Variants in PTPRE observed in about 807,000 individuals in gnomAD.
PTPRE encodes the protein protein tyrosine phosphatase receptor type E, also known as receptor-type tyrosine-protein phosphatase epsilon.
In PTPRE, 51 loss-of-function variants were observed where a neutral mutation model predicts 102.0. The ratio of observed to expected loss-of-function variants is 0.50; its 90% CI spans 0.40 to 0.63. The LOEUF (loss-of-function observed/expected upper bound fraction) is 0.63. Among genes scored for constraint, PTPRE ranks in the 30% least tolerant of loss-of-function variants. The pLI is 0.00. For synonymous variants in PTPRE, 345 were observed against 348.2 expected (o/e 0.99, Z 0.10); for missense variants, 752 against 915.1 (o/e 0.82, Z 2.30).
At chr10:128,044,849 TA>T (rs1198557728) in intron 3 of PTPRE, among the ~76,000 whole-genome samples, 6 of 152,260 alleles carry the variant, frequency 3.9e-5, no homozygotes, top group African/African-American at 7.2e-5. Flanking sequence ...CCACACCATT[TA>T]AAAAAAATGT....
At chr10:128,003,319 G>A (rs1271339458) in intron 2 of PTPRE, among the ~76,000 whole-genome samples, 1 of 152,008 alleles carries the variant, frequency 6.6e-6, no homozygotes. Flanking sequence ...CTGGGTGGTT[G>A]TCATTTTTTA....
intron 1 of PTPRE, among the ~76,000 whole-genome samples, chr10:127,976,602 T>C (rs969623782): frequency 6.6e-6 from 1 of 152,066 alleles, no homozygotes; most frequent in Non-Finnish European, 1.5e-5. Flanking sequence ...TTGAGAAAAA[T>C]GGGTCTTTTT....
At chr10:127,953,696 A>G (rs1365740380) in intron 1 of PTPRE, among the ~76,000 whole-genome samples, 1 of 152,200 alleles carries the variant, frequency 6.6e-6, no homozygotes, top group Admixed American at 6.5e-5. Flanking sequence ...GGAAGAGAAG[A>G]CCAGGACCTG....
intron 1 of PTPRE, among the ~76,000 whole-genome samples, chr10:127,969,421 A>G: frequency 6.6e-6 from 1 of 152,144 alleles, no homozygotes; most frequent in Non-Finnish European, 1.5e-5. Context: ...TAATCCCAGC[A>G]CTTTGGGAGG....
intron 1 of PTPRE, among the ~76,000 whole-genome samples, chr10:127,979,262 G>A (rs151227085): frequency 2.0e-5 from 3 of 152,210 alleles, no homozygotes; most frequent in Admixed American, 6.5e-5. Context: ...CCCACTTCAC[G>A]GATCTGTCTG....
At chr10:127,949,286 A>G (rs1039687268) in intron 1 of PTPRE, among the ~76,000 whole-genome samples, 15 of 152,130 alleles carry the variant, frequency 9.9e-5, no homozygotes, top group African/African-American at 3.6e-4. Flanking sequence ...GTGTCTATCT[A>G]GCTATGCATA....
chr10:128,025,174 A>AAAAAAAAAAAAAAAC (rs1846204774), intron 2 of PTPRE, among the ~76,000 whole-genome samples: 1 of 151,456 alleles, frequency 6.6e-6, no homozygotes, highest in African/African-American at 2.4e-5. Flanking sequence ...AAAAAAAAAA[A>AAAAAAAAAAAAAAAC]AAAAAAAGAA....
chr10:128,038,137 G>T (rs1847385756), intron 2 of PTPRE, among the ~76,000 whole-genome samples: 1 of 152,034 alleles, frequency 6.6e-6, no homozygotes, highest in Admixed American at 6.5e-5. Context: ...GCATCATTTG[G>T]ACCAATTCAT....
At chr10:127,913,926 T>C (rs1846035211) in intron 1 of PTPRE, among the ~76,000 whole-genome samples, 1 of 152,206 alleles carries the variant, frequency 6.6e-6, no homozygotes, top group African/African-American at 2.4e-5. Context: ...TATTCTGTTG[T>C]TGGAAACACA....
In PTPRE at chr10:128,084,664, G is replaced by T. The variant is rs1851972072; in HGVS notation, c.*1758G>T. The T allele has an allele frequency of 6.5e-6, 1 of 153,154 alleles. No homozygotes were observed. The highest frequency in any genetic ancestry group is 6.5e-5 in the Admixed American group (1 of 15,360). The allele number at this position is 153,154 out of a possible 1,614,324, so 9.5% of individuals were successfully genotyped here. A position where few individuals can be genotyped will look rare whatever the true frequency, so the allele number is the denominator to read the frequency against. ...GCGGAAGAGGAAAATGGAGCTTTTT[G>T]AGGCTCGCCAGGTCCCTTTTGTTTT... On this transcript the variant is annotated 3_prime_UTR_variant, in exon 21 of 21. Coordinates refer to ENST00000254667, the MANE Select transcript of PTPRE (RefSeq NM_006504.6).
At chr10:128,009,007 G>T (rs567703738) in intron 2 of PTPRE, among the ~76,000 whole-genome samples, 35 of 152,330 alleles carry the variant, frequency 2.3e-4, no homozygotes, top group African/African-American at 7.5e-4. Flanking sequence ...TCAGTCAGGG[G>T]TTGCTTGGAA....
chr10:128,054,226 C>T (rs1475566994), intron 6 of PTPRE, among the ~76,000 whole-genome samples: 1 of 152,164 alleles, frequency 6.6e-6, no homozygotes, highest in Non-Finnish European at 1.5e-5. Context: ...GATGAACCAA[C>T]ACTGCTCTGT....
chr10:128,068,751 C>A (rs1045015766), intron 12 of PTPRE: 7 of 152,672 alleles, frequency 4.6e-5, no homozygotes, highest in Non-Finnish European at 7.3e-5. Context: ...GTCCGAGGAC[C>A]AGGCTGCCCC....
At chr10:128,003,263 C>T (rs1854158271) in intron 2 of PTPRE, among the ~76,000 whole-genome samples, 1 of 152,150 alleles carries the variant, frequency 6.6e-6, no homozygotes, top group African/African-American at 2.4e-5. Context: ...TAGAGTGTAG[C>T]TGCTGCTGTT....
At chr10:127,913,971 C>G (rs114167790) in intron 1 of PTPRE, among the ~76,000 whole-genome samples, 1 of 152,118 alleles carries the variant, frequency 6.6e-6, no homozygotes, top group Non-Finnish European at 1.5e-5. Context: ...CTCCAAATCT[C>G]ATGTTGAAAT....
At chr10:128,017,917 G>A (rs181988648) in intron 2 of PTPRE, among the ~76,000 whole-genome samples, 31 of 152,302 alleles carry the variant, frequency 2.0e-4, no homozygotes, top group African/African-American at 4.3e-4. Flanking sequence ...AGCTCCACTC[G>A]GACTCCACTC....
At chr10:128,031,670 G>T (rs1846768064) in intron 2 of PTPRE, among the ~76,000 whole-genome samples, 1 of 152,248 alleles carries the variant, frequency 6.6e-6, no homozygotes, top group Non-Finnish European at 1.5e-5. Context: ...ATGACGGGCA[G>T]GTGCAGCCAT....
At chr10:128,047,286 T>C (rs1171353094) in intron 3 of PTPRE, 104 bp from the exon 4 acceptor site, 3 of 1,442,392 alleles carry the variant, frequency 2.1e-6, no homozygotes, top group African/African-American at 2.9e-5. Context: ...TTACAAAATA[T>C]AGTTTGGGGT....
chr10:128,060,982 C>T lies in PTPRE; in HGVS notation c.555C>T (p.Pro185=), dbSNP rs183893996. 10 of 1,614,174 alleles carry T rather than the reference C, an allele frequency of 6.2e-6. No individual in the cohort carries two copies. The East Asian group carries it at 2.0e-4, about 32-fold the overall frequency. The stretch of plus-strand genomic sequence containing the variant: ...TTCTGAGCCAACTGGATGGAATTCC[C>T]TGTTCAGACTACATCAATGCTTCCT... ...RVILSQLDGI[P]CSDYINASYI... Residue 185 remains proline (P), a synonymous_variant, in exon 8 of 21, where the codon CCC becomes CCT. Coordinates refer to ENST00000254667, the MANE Select transcript of PTPRE (RefSeq NM_006504.6).
Sources: gnomAD v4.1 joint callset for allele counts (sites outside exome capture counted in the v4.1 genomes callset) on GRCh38, gnomAD v4.1.1 for gene constraint, MANE v1.5 for transcripts, NCBI Gene and HGNC (gene_info 2026-07-23, HGNC 2026-07-21) for gene names.